Variants in SYT9 observed in about 807,000 individuals in gnomAD.
The protein encoded by SYT9 is synaptotagmin 9, also known as synaptotagmin-9.
In SYT9, 22 loss-of-function variants were observed where a neutral mutation model predicts 48.4. The ratio of observed to expected loss-of-function variants is 0.45; its 90% CI spans 0.32 to 0.65. The LOEUF (loss-of-function observed/expected upper bound fraction) is 0.65, where lower values mean the gene tolerates loss of function less well. SYT9 is among the 30% of genes least tolerant of loss of function. SYT9 has a pLI of 0.03. For missense variants in SYT9, 577 were observed against 622.0 expected, an observed-to-expected ratio of 0.93 and a Z score of 0.77; for synonymous variants, 265 against 245.0, an observed-to-expected ratio of 1.08 and a Z score of -0.76.
intron 3 of SYT9, among the ~76,000 whole-genome samples, chr11:7,378,262 A>G (rs1428712758): frequency 6.6e-6 from 1 of 152,088 alleles, no homozygotes; most frequent in Non-Finnish European, 1.5e-5. Context: ...TGGAGAATTG[A>G]GTATGTTAGG....
chr11:7,311,215 T>C (rs1207395235), intron 2 of SYT9, among the ~76,000 whole-genome samples: 3 of 152,102 alleles, frequency 2.0e-5, no homozygotes, highest in South Asian at 2.1e-4. Flanking sequence ...GGTAGGAGAA[T>C]TGCTTCAACC....
chr11:7,468,977 GCCT>G lies in SYT9; in HGVS notation c.*2179_*2181del, dbSNP rs5789521. The G allele has an allele frequency of 0.14, 21,142 of 152,086 alleles. 1,664 individuals carry two copies. Among genetic ancestry groups the G allele is most frequent in the African/African-American group, 0.2 (8,185 of 41,446 alleles). 9.4% of individuals were successfully genotyped at this position (152,086 alleles called of 1,614,324 possible). A position where few individuals can be genotyped will look rare whatever the true frequency, so the allele number is the denominator to read the frequency against. ...ACTCCCTCAGCCCATTTGCAACTCT[GCCT>G]CTGTTCTCTTGCATTCTGTTTGGTT... On this transcript the variant is annotated 3_prime_UTR_variant, in exon 7 of 7. Coordinates refer to ENST00000318881, the MANE Select transcript of SYT9 (RefSeq NM_175733.4).
chr11:7,418,274 C>G (rs1013127122), intron 5 of SYT9, 146 bp downstream of exon 5: 2 of 811,448 alleles, frequency 2.5e-6, no homozygotes, highest in African/African-American at 3.4e-5. Context: ...AGCACATTGA[C>G]AGGAGTCACC....
chr11:7,360,405 T>A (rs1850111626), intron 3 of SYT9, among the ~76,000 whole-genome samples: 1 of 152,188 alleles, frequency 6.6e-6, no homozygotes, highest in South Asian at 2.1e-4. Flanking sequence ...ATTGGTAGCT[T>A]GATGGGGATG....
rs199948477 is a variant in SYT9, at chr11:7,466,809, A to G, written c.*9A>G. ...TCCTGCAGAAACGATGACCATGGGT[A>G]AGAGGACTGCTTGTGCCAAGGACAA... On this transcript the variant is annotated 3_prime_UTR_variant, in exon 7 of 7. Coordinates refer to ENST00000318881, the MANE Select transcript of SYT9 (RefSeq NM_175733.4). 2.5e-6 allele frequency: 4 copies of G among 1,613,300 alleles called. No individual in the cohort carries two copies. Among genetic ancestry groups the G allele is most frequent in the Non-Finnish European group, 3.4e-6 (4 of 1,179,838 alleles).
intron 3 of SYT9, among the ~76,000 whole-genome samples, chr11:7,366,344 A>G (rs1850243336): frequency 6.6e-6 from 1 of 152,080 alleles, no homozygotes; most frequent in East Asian, 1.9e-4. Flanking sequence ...GTACTTGAGG[A>G]TTTTTTTCAA....
At chr11:7,254,097 A>C (rs1435813062) in intron 1 of SYT9, among the ~76,000 whole-genome samples, 1 of 152,154 alleles carries the variant, frequency 6.6e-6, no homozygotes, top group African/African-American at 2.4e-5. Flanking sequence ...CAGCCCCTAC[A>C]CCAGGCAACC....
intron 3 of SYT9, among the ~76,000 whole-genome samples, chr11:7,332,373 T>C (rs555442377): frequency 6.6e-6 from 1 of 152,312 alleles, no homozygotes; most frequent in South Asian, 2.1e-4. Context: ...CCAAGAAATA[T>C]AGAGCCATGA....
chr11:7,385,344 G>A (rs1241938464), intron 3 of SYT9, among the ~76,000 whole-genome samples: 1 of 144,240 alleles, frequency 6.9e-6, no homozygotes, highest in African/African-American at 2.6e-5. Context: ...TTTGCTCTGT[G>A]TGTGTGTGTG....
chr11:7,332,378 C>T (rs1315646743), intron 3 of SYT9, among the ~76,000 whole-genome samples: 1 of 152,176 alleles, frequency 6.6e-6, no homozygotes, highest in Non-Finnish European at 1.5e-5. Context: ...AAATATAGAG[C>T]CATGAACTGT....
intron 3 of SYT9, among the ~76,000 whole-genome samples, chr11:7,389,129 A>C (rs1017920979): frequency 2.6e-5 from 4 of 152,194 alleles, no homozygotes; most frequent in African/African-American, 4.8e-5. Flanking sequence ...AACCCTTAGA[A>C]TATTCTGCCT....
intron 3 of SYT9, among the ~76,000 whole-genome samples, chr11:7,363,222 T>C (rs1850179608): frequency 6.6e-6 from 1 of 152,106 alleles, no homozygotes; most frequent in Admixed American, 6.6e-5. Context: ...ACAGAATGAC[T>C]TCACTGGACT....
At chr11:7,331,692 T>G (rs1176848474) in intron 3 of SYT9, among the ~76,000 whole-genome samples, 1 of 152,092 alleles carries the variant, frequency 6.6e-6, no homozygotes, top group Non-Finnish European at 1.5e-5. Flanking sequence ...GCCACTGCGC[T>G]CCAGCCTGGG....
At chr11:7,361,868 A>G (rs1286625797) in intron 3 of SYT9, among the ~76,000 whole-genome samples, 2 of 152,186 alleles carry the variant, frequency 1.3e-5, no homozygotes, top group Non-Finnish European at 2.9e-5. Flanking sequence ...TTAGTTTTCA[A>G]AGACTCATAT....
upstream of SYT9, among the ~76,000 whole-genome samples, chr11:7,251,166 C>T (rs2055709): frequency 0.52 from 78,916 of 151,276 alleles, 20,998 homozygotes; most frequent in Non-Finnish European, 0.58. Context: ...CTAGGCTTTA[C>T]TGCTTGAAAG....
At chr11:7,364,157 T>G (rs980336648) in intron 3 of SYT9, among the ~76,000 whole-genome samples, 3 of 152,144 alleles carry the variant, frequency 2.0e-5, no homozygotes, top group African/African-American at 7.2e-5. Context: ...TTCATCCTAC[T>G]TGATAGGATG....
chr11:7,268,860 A>G (rs1319826990), intron 1 of SYT9, among the ~76,000 whole-genome samples: 1 of 152,102 alleles, frequency 6.6e-6, no homozygotes, highest in Non-Finnish European at 1.5e-5. Flanking sequence ...TCAACATTCC[A>G]GGAAGTTTCC....
At position 7,338,871 on chromosome 11, in the gene SYT9, A is replaced by G. The variant is rs926545928; in HGVS notation, c.1044+24930A>G. 1.8e-4 allele frequency among the ~76,000 whole-genome samples: 28 copies of G among 152,072 alleles called. 1 individual carries two copies. ...GTATATCAGGTCCATTTGGTCCAAT[A>G]TTGAGTTCAGGTTCTGAATATCTTT... On this transcript the variant is annotated intron_variant, in intron 3 of 6. Transcript: ENST00000318881.
At chr11:7,247,838 T>C (rs905057484), upstream of SYT9, among the ~76,000 whole-genome samples, 4 of 152,026 alleles carry the variant, frequency 2.6e-5, no homozygotes, top group Non-Finnish European at 4.4e-5. Context: ...TCTGGGTAGA[T>C]ACCCAGTAGT....
Sources: gnomAD v4.1 joint callset for allele counts (sites outside exome capture counted in the v4.1 genomes callset) on GRCh38, gnomAD v4.1.1 for gene constraint, MANE v1.5 for transcripts, NCBI Gene and HGNC (gene_info 2026-07-23, HGNC 2026-07-21) for gene names.